SCP2: variants seen among roughly 807,000 people sequenced by gnomAD.
SCP2 encodes sterol carrier protein 2.
SCP2 carries 48 observed loss-of-function variants against 71.4 expected under a neutral mutation model. That is an observed-to-expected ratio of 0.67 (90% confidence interval 0.53 to 0.86). The LOEUF is 0.86. Ranked by LOEUF, SCP2 falls within the 40% of genes least tolerant of loss-of-function variation. The pLI is 0.00. For missense variants in SCP2, 560 were observed against 655.6 expected (o/e 0.85, Z 1.59); for synonymous variants, 220 against 218.1 (o/e 1.01, Z -0.08).
chr1:53,034,323 A>T (rs1463741064), intron 13 of SCP2, among the ~76,000 whole-genome samples: 2 of 152,182 alleles, frequency 1.3e-5, no homozygotes, highest in Non-Finnish European at 2.9e-5. Context: ...AATGTGGATA[A>T]ACCTTGAAAA....
At chr1:53,020,866 T>G (rs1661668272) in intron 12 of SCP2, among the ~76,000 whole-genome samples, 2 of 152,150 alleles carry the variant, frequency 1.3e-5, no homozygotes, top group African/African-American at 2.4e-5. Context: ...ACAAATGAAC[T>G]TGATATTCCC....
At chr1:52,961,235 A>G (rs1161174754) in intron 5 of SCP2, among the ~76,000 whole-genome samples, 1 of 120,528 alleles carries the variant, frequency 8.3e-6, no homozygotes, top group Non-Finnish European at 1.7e-5. Flanking sequence ...CCCAACCCCC[A>G]CCCCACAACA....
intron 2 of SCP2, chr1:52,944,028 C>T (rs1272032123): frequency 1.0e-5 from 2 of 198,398 alleles, no homozygotes; most frequent in Admixed American, 1.2e-4. Flanking sequence ...TGCTGGAACA[C>T]CTAAATAAAT....
chr1:53,050,325 T>C (rs1223160887), intron 15 of SCP2: 1 of 381,848 alleles, frequency 2.6e-6, no homozygotes, highest in South Asian at 2.3e-5. Flanking sequence ...ATAATCAGTG[T>C]AGTATGAACC....
chr1:52,927,801 C>T (rs905371637), intron 1 of SCP2, among the ~76,000 whole-genome samples: 6 of 152,110 alleles, frequency 3.9e-5, no homozygotes, highest in African/African-American at 1.4e-4. Flanking sequence ...GCCGCCTGCT[C>T]GGCCCTCCCA....
Position 53,015,047 on chromosome 1 carries a change from A to T in SCP2, c.1235+4A>T. ...TGGGTTTTCCGGAAGCCGCCAGGTG[A>T]GTGACATTCAGAGTTTTGTGTGTCA... On this transcript the variant is annotated splice_donor_region_variant and intron_variant, in intron 12 of 15. Coordinates refer to ENST00000371514, the MANE Select transcript of SCP2 (RefSeq NM_002979.5). 6.2e-7 allele frequency: 1 copy of T among 1,613,832 alleles called. No individual in the cohort carries two copies. Among genetic ancestry groups the T allele is most frequent in the Non-Finnish European group, 8.5e-7 (1 of 1,179,748 alleles).
At chr1:52,976,396 C>G (rs949323013) in intron 7 of SCP2, among the ~76,000 whole-genome samples, 1 of 152,134 alleles carries the variant, frequency 6.6e-6, no homozygotes, top group East Asian at 1.9e-4. Flanking sequence ...CCATAAGTGA[C>G]CTCATTAGCA....
chr1:52,992,995 C>T (rs1659634530), intron 11 of SCP2, among the ~76,000 whole-genome samples: 1 of 152,168 alleles, frequency 6.6e-6, no homozygotes, highest in Admixed American at 6.5e-5. Flanking sequence ...ATCTTTGAAG[C>T]AGCCTTAGTG....
chr1:52,966,329 G>A (rs907322023), intron 6 of SCP2, among the ~76,000 whole-genome samples: 3 of 151,182 alleles, frequency 2.0e-5, no homozygotes, highest in Admixed American at 1.3e-4. Flanking sequence ...ATTGAATTTT[G>A]TAGCTTTTCC....
Position 53,038,947 on chromosome 1 carries a change from G to T in SCP2, c.1369G>T (p.Gly457Cys), listed in dbSNP as rs1663216428. The change falls in exon 14 of 16, where the codon GGT (glycine) becomes TGT (cysteine). Residue 457 changes from glycine to cysteine, a missense_variant. Gly to Cys is a radical substitution (Grantham distance 159, BLOSUM62 -3). Around this residue, in one of 3 missense-constraint regions of SCP2, gnomAD observed 513 missense variants for 573.1 expected, o/e 0.90. Transcript: ENST00000371514. ...EGEQFVKKIG[G>C]IFAFKVKDGP... ...GGAACAGTTTGTGAAGAAAATCGGT[G>T]GTATTTTTGCCTTCAAGGTGAAAGA... 1 of 1,614,106 alleles carries T rather than the reference G, an allele frequency of 6.2e-7. No individual in the cohort carries two copies. The highest frequency in any genetic ancestry group is 8.5e-7 in the Non-Finnish European group (1 of 1,180,008).
chr1:52,982,156 G>A (rs536831149), intron 10 of SCP2, among the ~76,000 whole-genome samples: 1 of 152,008 alleles, frequency 6.6e-6, no homozygotes, highest in South Asian at 2.1e-4. Flanking sequence ...GCTTGTGCAT[G>A]GTAGGATATT....
intron 11 of SCP2, chr1:52,993,287 A>G: frequency 6.2e-7 from 1 of 1,614,142 alleles, no homozygotes; most frequent in South Asian, 1.1e-5. Flanking sequence ...AAATTTCCTG[A>G]TAACCCGGAC....
chr1:52,979,609 A>G (rs891342115), intron 9 of SCP2, among the ~76,000 whole-genome samples: 3 of 152,188 alleles, frequency 2.0e-5, no homozygotes, highest in African/African-American at 7.2e-5. Context: ...AGATTGTGTC[A>G]TTTTATATAG....
rs57875662 is a variant in SCP2 at position 52,977,966 on chromosome 1, C to CAA, written c.675-238_675-237dup. Among the ~76,000 whole-genome samples, 642 of 114,984 alleles carry CAA rather than the reference C, an allele frequency of 5.6e-3. 4 individuals carry two copies. The highest frequency in any genetic ancestry group is 0.018 in the African/African-American group (620 of 33,834). 75.4% of individuals were successfully genotyped at this position (114,984 alleles called of 152,430 possible). ...AGGCAACAAGAGCGAAACTCCATCT[C>CAA]AAAAAAAAAAAAAAGAACTTTTTGG... On this transcript the variant is annotated intron_variant, in intron 8 of 15. Coordinates refer to ENST00000371514, the MANE Select transcript of SCP2 (RefSeq NM_002979.5).
intron 6 of SCP2, among the ~76,000 whole-genome samples, chr1:52,964,302 C>T (rs370424037): frequency 2.3e-4 from 34 of 150,268 alleles, no homozygotes; most frequent in East Asian, 1.8e-3. Flanking sequence ...CCTGGGTTCA[C>T]GCCATTCTTC....
chr1:53,026,240 GTCTTT>G (rs1486724110), intron 12 of SCP2, among the ~76,000 whole-genome samples: 1 of 152,042 alleles, frequency 6.6e-6, no homozygotes. Flanking sequence ...TTAAATATTT[GTCTTT>G]TCTTTATTCT....
chr1:52,948,125 A>G (rs1458930366), intron 3 of SCP2, 45 bp downstream of exon 3: 3 of 1,148,914 alleles, frequency 2.6e-6, no homozygotes, highest in African/African-American at 1.5e-5. Context: ...ACCTAAATCT[A>G]GCAGCAACTA....
intron 10 of SCP2, among the ~76,000 whole-genome samples, chr1:52,986,956 A>C (rs1349924882): frequency 6.8e-6 from 1 of 147,444 alleles, no homozygotes; most frequent in East Asian, 2.0e-4. Context: ...ATACAAATTG[A>C]AGTTTTGCTT....
chr1:52,964,870 C>T (rs967472074), intron 6 of SCP2, among the ~76,000 whole-genome samples: 4 of 151,966 alleles, frequency 2.6e-5, no homozygotes, highest in Admixed American at 6.6e-5. Flanking sequence ...AAAAATTAGC[C>T]GAGCCTGGTA....
Sources: allele counts gnomAD v4.1 joint callset (sites outside exome capture counted in the v4.1 genomes callset), GRCh38; gene constraint gnomAD v4.1.1; regional missense constraint gnomAD v4.1.1; transcripts MANE v1.5; gene names NCBI Gene and HGNC (gene_info 2026-07-23, HGNC 2026-07-21).